Variants in VRK2 observed in about 807,000 individuals in gnomAD.
VRK2 encodes the protein serine/threonine-protein kinase VRK2.
VRK2 carries 60 observed loss-of-function variants against 57.6 expected under a neutral mutation model. That is an observed-to-expected ratio of 1.04 (90% confidence interval 0.85 to 1.29). The LOEUF (loss-of-function observed/expected upper bound fraction) is 1.29, where lower values mean the gene tolerates loss of function less well. VRK2 is among the 50% of genes most tolerant of loss of function. The probability of loss-of-function intolerance (pLI) is 0.00; values close to 1 mark genes in which losing one functional copy is unlikely to be tolerated. For synonymous variants in VRK2, 231 were observed against 199.2 expected (o/e 1.16, Z -1.35); for missense variants, 705 against 588.1 (o/e 1.20, Z -2.06).
At chr2:57,922,425 C>A (rs1363209057) in intron 1 of VRK2, among the ~76,000 whole-genome samples, 1 of 145,840 alleles carries the variant, frequency 6.9e-6, no homozygotes, top group Non-Finnish European at 1.5e-5. Flanking sequence ...ATCACGCTAA[C>A]ATAACCATCA....
chr2:58,073,650 ATATT>A (rs1368420312), intron 2 of VRK2, among the ~76,000 whole-genome samples: 853 of 17,620 alleles, frequency 0.048, 9 homozygotes, highest in African/African-American at 0.19. Context: ...ATATATATAT[ATATT>A]TATATTTATA....
At chr2:57,917,936 C>G (rs2103898921) in intron 1 of VRK2, among the ~76,000 whole-genome samples, 1 of 152,102 alleles carries the variant, frequency 6.6e-6, no homozygotes, top group African/African-American at 2.4e-5. Flanking sequence ...TATTCATTAT[C>G]TAGAAGGTAA....
intron 2 of VRK2, among the ~76,000 whole-genome samples, chr2:58,055,301 T>G (rs548652925): frequency 6.6e-6 from 1 of 152,246 alleles, no homozygotes; most frequent in South Asian, 2.1e-4. Flanking sequence ...TGAATCAAGT[T>G]TAAGTATCAG....
Position 58,146,357 on chromosome 2 carries a change from A to G in VRK2, c.1065A>G (p.Ala355=). Residue 355 remains alanine (A), a synonymous_variant, in exon 12 of 13, where the codon GCA becomes GCG. Transcript: ENST00000340157. ...QKAATKQVNK[A]HNRLIEKKVH... The stretch of plus-strand genomic sequence containing the variant: ...CTGCAACAAAGCAAGTCAACAAGGC[A>G]CACAATAGGTTAATCGAAAAAAAAG... 5 of 1,611,398 alleles carry G rather than the reference A, an allele frequency of 3.1e-6. No individual in the cohort carries two copies. The highest frequency in any genetic ancestry group is 4.2e-6 in the Non-Finnish European group (5 of 1,178,162).
At chr2:58,125,842 A>G (rs1480194476) in intron 8 of VRK2, among the ~76,000 whole-genome samples, 3 of 152,114 alleles carry the variant, frequency 2.0e-5, no homozygotes, top group African/African-American at 4.8e-5. Context: ...TCTGGGATAT[A>G]AAATGGAATG....
intron 1 of VRK2, among the ~76,000 whole-genome samples, chr2:57,909,221 A>G (rs1025192171): frequency 6.6e-6 from 1 of 152,212 alleles, no homozygotes; most frequent in African/African-American, 2.4e-5. Flanking sequence ...TTGACTTTGT[A>G]TAAAGTAAAA....
chr2:58,022,166 G>A (rs745810006), intron 1 of VRK2, among the ~76,000 whole-genome samples: 1 of 152,186 alleles, frequency 6.6e-6, no homozygotes, highest in African/African-American at 2.4e-5. Context: ...ATGAGGTCAG[G>A]CTCACAAAAT....
At chr2:58,108,738 C>T (rs1437886373) in intron 7 of VRK2, among the ~76,000 whole-genome samples, 3 of 152,094 alleles carry the variant, frequency 2.0e-5, no homozygotes, top group African/African-American at 4.8e-5. Context: ...GACTTTTATG[C>T]TTTTGTCAGA....
chr2:58,074,133 A>G (rs902018599), intron 2 of VRK2, among the ~76,000 whole-genome samples: 12 of 152,152 alleles, frequency 7.9e-5, no homozygotes, highest in Non-Finnish European at 1.6e-4. Flanking sequence ...TTGTGTTAGC[A>G]TGATAGATCT....
At chr2:57,979,321 G>T (rs1436698923) in intron 1 of VRK2, among the ~76,000 whole-genome samples, 1 of 151,056 alleles carries the variant, frequency 6.6e-6, no homozygotes, top group Non-Finnish European at 1.5e-5. Context: ...AGCCTGGCCA[G>T]CGTCTATTGT....
chr2:57,914,249 C>CT (rs11306282), intron 1 of VRK2, among the ~76,000 whole-genome samples: 83 of 142,410 alleles, frequency 5.8e-4, no homozygotes, highest in African/African-American at 8.1e-4. Flanking sequence ...CTTAACCTTA[C>CT]TTTTTTTTTT....
intron 1 of VRK2, among the ~76,000 whole-genome samples, chr2:58,009,369 C>T (rs2103643541): frequency 6.6e-6 from 1 of 151,934 alleles, no homozygotes; most frequent in African/African-American, 2.4e-5. Context: ...CATGGAGCCT[C>T]TTCTACTTTC....
chr2:57,913,800 T>A (rs1320083436), intron 1 of VRK2, among the ~76,000 whole-genome samples: 1 of 152,112 alleles, frequency 6.6e-6, no homozygotes, highest in Non-Finnish European at 1.5e-5. Flanking sequence ...TGCCAAACTG[T>A]AGCATTTAAA....
intron 7 of VRK2, among the ~76,000 whole-genome samples, chr2:58,092,642 A>G (rs373894077): frequency 6.6e-6 from 1 of 152,104 alleles, no homozygotes; most frequent in Non-Finnish European, 1.5e-5. Context: ...GCAATGTGTG[A>G]TATTTCATTT....
intron 1 of VRK2, among the ~76,000 whole-genome samples, chr2:57,949,504 C>A (rs1015832659): frequency 2.0e-5 from 3 of 152,220 alleles, no homozygotes; most frequent in East Asian, 1.9e-4. Context: ...CCATGGACCG[C>A]GCCTACATAA....
chr2:57,969,895 T>C (rs906255199), intron 1 of VRK2, among the ~76,000 whole-genome samples: 3 of 151,982 alleles, frequency 2.0e-5, no homozygotes, highest in East Asian at 3.9e-4. Flanking sequence ...TATGCCGAGG[T>C]CTTTCAGCTT....
chr2:58,136,955 G>A (rs1483356774), intron 10 of VRK2, among the ~76,000 whole-genome samples: 3 of 128,550 alleles, frequency 2.3e-5, no homozygotes, highest in African/African-American at 9.4e-5. Flanking sequence ...TATCATATAT[G>A]TGTATATATA....
In VRK2 at chr2:58,098,143, A is replaced by G. The variant is rs543652963; in HGVS notation, c.543+8420A>G. ...TAAAAAAATAAAAAAGAAAATAAAT[A>G]TAGAAAAAGCCTACAGAATAAGGAT... is the stretch of plus-strand genomic sequence containing the variant. On this transcript the variant is annotated intron_variant, in intron 7 of 12. Coordinates refer to ENST00000340157, the MANE Select transcript of VRK2 (RefSeq NM_006296.7). Among the ~76,000 whole-genome samples the G allele has an allele frequency of 3.4e-4, 51 of 152,226 alleles. No individual in the cohort carries two copies. In the South Asian group the frequency reaches 8.7e-3, roughly 26 times the overall value.
intron 1 of VRK2, among the ~76,000 whole-genome samples, chr2:57,957,121 G>A (rs1318143911): frequency 6.6e-6 from 1 of 152,100 alleles, no homozygotes; most frequent in Non-Finnish European, 1.5e-5. Context: ...CATATCTGCA[G>A]GTTCCAGGCT....
Sources: allele counts gnomAD v4.1 joint callset (sites outside exome capture counted in the v4.1 genomes callset), GRCh38; gene constraint gnomAD v4.1.1; transcripts MANE v1.5; gene names NCBI Gene and HGNC (gene_info 2026-07-23, HGNC 2026-07-21).